ZFPM2: variants seen among roughly 807,000 people sequenced by gnomAD.
ZFPM2 encodes the protein zinc finger protein ZFPM2.
A neutral mutation model predicts 98.6 loss-of-function variants in ZFPM2; 20 were observed. That is an observed-to-expected ratio of 0.20 (90% CI 0.14 to 0.29). ZFPM2 has a LOEUF of 0.29. Among genes scored for constraint, ZFPM2 ranks in the 10% least tolerant of loss-of-function variants. The pLI, the probability that ZFPM2 is intolerant of heterozygous loss-of-function variation, is 1.00. For synonymous variants in ZFPM2, 518 were observed against 502.7 expected, an observed-to-expected ratio of 1.03 and a Z score of -0.41; for missense variants, 1,310 against 1,388.6, an observed-to-expected ratio of 0.94 and a Z score of 0.90.
chr8:105,467,399 T>C (rs927429285), intron 3 of ZFPM2, among the ~76,000 whole-genome samples: 15 of 152,068 alleles, frequency 9.9e-5, no homozygotes, highest in East Asian at 1.9e-4. Context: ...ACCCAGCACA[T>C]AGAGGTGCTC....
intron 3 of ZFPM2, among the ~76,000 whole-genome samples, chr8:105,536,058 G>T (rs1814444153): frequency 6.6e-6 from 1 of 151,976 alleles, no homozygotes. Context: ...AATGAGCCCT[G>T]GTTTAAACAA....
intron 4 of ZFPM2, among the ~76,000 whole-genome samples, chr8:105,609,188 C>A (rs1586147452): frequency 1.3e-5 from 2 of 152,020 alleles, no homozygotes; most frequent in South Asian, 4.2e-4. Flanking sequence ...TTCCTCAGGG[C>A]AATGAGAGCT....
intron 3 of ZFPM2, among the ~76,000 whole-genome samples, chr8:105,543,926 G>A (rs77157119): frequency 6.6e-5 from 10 of 152,112 alleles, no homozygotes; most frequent in Admixed American, 1.3e-4. Flanking sequence ...ACATGCACAC[G>A]CATGCTACAG....
Position 105,635,919 on chromosome 8 carries a change from T to A in ZFPM2, c.532+1562T>A, listed in dbSNP as rs562409624. Among the ~76,000 whole-genome samples the A allele has an allele frequency of 2.5e-4, 38 of 152,146 alleles. 2 individuals are homozygous for A. The highest frequency in any genetic ancestry group is 1.8e-3 in the Admixed American group (28 of 15,268). ...GGACCAGAGTGTTTCAGATTTCAGA[T>A]TTTTTTTCAGATTGGAATATTTGCA... On this transcript the variant is annotated intron_variant, in intron 5 of 7. Transcript: ENST00000407775.
intron 5 of ZFPM2, among the ~76,000 whole-genome samples, chr8:105,685,395 T>C (rs1810708393): frequency 6.6e-6 from 1 of 152,112 alleles, no homozygotes; most frequent in African/African-American, 2.4e-5. Flanking sequence ...AAGGGGACCA[T>C]GAGTTGCCTC....
chr8:105,659,113 T>C (rs1194030496), intron 5 of ZFPM2, among the ~76,000 whole-genome samples: 1 of 152,166 alleles, frequency 6.6e-6, no homozygotes, highest in African/African-American at 2.4e-5. Flanking sequence ...ATCAGATAGC[T>C]TTGGTAACTC....
In ZFPM2 at chr8:105,611,800, G is replaced by A. The variant is rs991707454; in HGVS notation, c.421-22446G>A. Reference sequence around the variant, plus strand: ...TGCAACTTCCACCTCCCGGGTTCAAGCGATTCTCCTGCCTCAGCTTCCCGA... The same window carrying A: ...TGCAACTTCCACCTCCCGGGTTCAAACGATTCTCCTGCCTCAGCTTCCCGA... On this transcript the variant is annotated intron_variant, in intron 4 of 7. Transcript: ENST00000407775. Among the ~76,000 whole-genome samples the A allele has an allele frequency of 5.6e-4, 85 of 151,574 alleles. 2 individuals carry two copies. The highest frequency in any genetic ancestry group is 3.2e-4 in the Non-Finnish European group (22 of 67,940).
At chr8:105,515,091 G>A (rs1813892333) in intron 3 of ZFPM2, among the ~76,000 whole-genome samples, 1 of 152,146 alleles carries the variant, frequency 6.6e-6, no homozygotes, top group South Asian at 2.1e-4. Flanking sequence ...GTGTTGAGAG[G>A]GGAGAGGATG....
At chr8:105,420,344 A>G (rs1352741187) in intron 2 of ZFPM2, among the ~76,000 whole-genome samples, 1 of 152,190 alleles carries the variant, frequency 6.6e-6, no homozygotes, top group Non-Finnish European at 1.5e-5. Flanking sequence ...ATATTTAATC[A>G]TTAAAAGTTC....
At chr8:105,483,159 C>G (rs1813158546) in intron 3 of ZFPM2, among the ~76,000 whole-genome samples, 1 of 151,644 alleles carries the variant, frequency 6.6e-6, no homozygotes, top group African/African-American at 2.4e-5. Context: ...CGGCACACAG[C>G]CTCCTGTAAT....
intron 1 of ZFPM2, among the ~76,000 whole-genome samples, chr8:105,351,302 G>A (rs1284809141): frequency 1.3e-5 from 2 of 150,998 alleles, no homozygotes; most frequent in African/African-American, 4.9e-5. Flanking sequence ...TATGTAAATA[G>A]TTGCTATACT....
chr8:105,440,950 G>A (rs1375862662), intron 2 of ZFPM2, among the ~76,000 whole-genome samples: 2 of 151,832 alleles, frequency 1.3e-5, no homozygotes, highest in African/African-American at 2.4e-5. Context: ...AAGAGATCGC[G>A]ACCATCCTGG....
chr8:105,661,119 A>C (rs1210530005), intron 5 of ZFPM2, among the ~76,000 whole-genome samples: 2 of 152,158 alleles, frequency 1.3e-5, no homozygotes, highest in African/African-American at 4.8e-5. Context: ...AATATCTATA[A>C]TTTTGACAAA....
intron 1 of ZFPM2, chr8:105,418,939 C>T: frequency 1.6e-6 from 1 of 606,794 alleles, no homozygotes; most frequent in South Asian, 1.9e-5. Context: ...TAACTTCTGA[C>T]ACTGGTTTCC....
At chr8:105,553,721 T>C (rs1814917950) in intron 3 of ZFPM2, among the ~76,000 whole-genome samples, 1 of 152,198 alleles carries the variant, frequency 6.6e-6, no homozygotes, top group African/African-American at 2.4e-5. Flanking sequence ...TAGAGACTCA[T>C]CTTTGGCAAA....
intron 4 of ZFPM2, among the ~76,000 whole-genome samples, chr8:105,582,176 A>C (rs1165245699): frequency 6.6e-6 from 1 of 152,196 alleles, no homozygotes. Flanking sequence ...TTACTGACCA[A>C]TCCACCCGGA....
intron 5 of ZFPM2, among the ~76,000 whole-genome samples, chr8:105,701,212 C>T (rs907492852): frequency 3.9e-5 from 6 of 152,130 alleles, no homozygotes; most frequent in African/African-American, 9.7e-5. Context: ...ATCTGACAAG[C>T]AAAACCTATA....
intron 1 of ZFPM2, among the ~76,000 whole-genome samples, chr8:105,376,483 C>T (rs537109729): frequency 6.6e-6 from 1 of 152,226 alleles, no homozygotes; most frequent in East Asian, 1.9e-4. Context: ...CCTTCAGACT[C>T]ATATTTCCAA....
At chr8:105,699,833 T>C (rs561066777) in intron 5 of ZFPM2, among the ~76,000 whole-genome samples, 2 of 152,290 alleles carry the variant, frequency 1.3e-5, no homozygotes, top group African/African-American at 4.8e-5. Flanking sequence ...CACTCAACAT[T>C]CAACGAATAT....
Sources: gnomAD v4.1 joint callset for allele counts (sites outside exome capture counted in the v4.1 genomes callset) on GRCh38, gnomAD v4.1.1 for gene constraint, MANE v1.5 for transcripts, NCBI Gene and HGNC (gene_info 2026-07-23, HGNC 2026-07-21) for gene names.